The following CHST9 variants were observed in gnomAD, a reference collection of about 807,000 sequenced individuals.
CHST9 encodes the protein carbohydrate sulfotransferase 9.
In CHST9, 41 loss-of-function variants were observed where a neutral mutation model predicts 44.4. The observed-to-expected ratio is 0.92, with a 90% CI of 0.72 to 1.20. The LOEUF is 1.20. Ranked by LOEUF, CHST9 falls within the 50% of genes most tolerant of loss-of-function variation. CHST9 has a pLI of 0.00. For missense variants in CHST9, 504 were observed against 516.5 expected (o/e 0.98, Z 0.23); for synonymous variants, 171 against 178.4 (o/e 0.96, Z 0.33).
intron 1 of CHST9, among the ~76,000 whole-genome samples, chr18:27,172,395 G>C (rs544345135): frequency 6.6e-6 from 1 of 151,970 alleles, no homozygotes; most frequent in South Asian, 2.1e-4. Flanking sequence ...AGTGGTATGA[G>C]TGTCCTTTGT....
chr18:27,008,415 G>T (rs1405511171), intron 4 of CHST9, among the ~76,000 whole-genome samples: 1 of 152,182 alleles, frequency 6.6e-6, no homozygotes, highest in East Asian at 1.9e-4. Flanking sequence ...CAAGTAGTTA[G>T]AAATGATAGC....
chr18:27,139,965 C>T (rs2058551251), intron 2 of CHST9, among the ~76,000 whole-genome samples: 1 of 152,144 alleles, frequency 6.6e-6, no homozygotes, highest in Admixed American at 6.5e-5. Context: ...TATATGCCTA[C>T]ATAATCCAGT....
intron 3 of CHST9, among the ~76,000 whole-genome samples, chr18:27,044,693 T>A (rs966596747): frequency 1.3e-5 from 2 of 151,980 alleles, no homozygotes; most frequent in African/African-American, 4.8e-5. Flanking sequence ...TGATAGTGTA[T>A]AGGAACTATG....
chr18:26,971,904 AG>A (rs35603409), intron 4 of CHST9, among the ~76,000 whole-genome samples: 52,916 of 151,962 alleles, frequency 0.35, 9,790 homozygotes, highest in East Asian at 0.47. Flanking sequence ...CAGTCTCTGA[AG>A]GGGAACACAG....
At chr18:27,150,100 T>C (rs947050798) in intron 1 of CHST9, among the ~76,000 whole-genome samples, 2 of 150,260 alleles carry the variant, frequency 1.3e-5, no homozygotes, top group Non-Finnish European at 3.0e-5. Flanking sequence ...AAAGGCTTTT[T>C]GATTTTTTTT....
chr18:26,932,543 T>G (rs555586245), intron 5 of CHST9, among the ~76,000 whole-genome samples: 210 of 151,086 alleles, frequency 1.4e-3, no homozygotes, highest in African/African-American at 5.0e-3. Context: ...GTTAGCTGGA[T>G]CAGGGGTGAA....
At chr18:27,017,243 G>T (rs2057165787) in intron 4 of CHST9, among the ~76,000 whole-genome samples, 1 of 152,070 alleles carries the variant, frequency 6.6e-6, no homozygotes, top group Non-Finnish European at 1.5e-5. Flanking sequence ...ACTTATGATG[G>T]GCTTCTTGGG....
intron 1 of CHST9, among the ~76,000 whole-genome samples, chr18:27,168,613 T>C (rs920418279): frequency 4.6e-5 from 7 of 152,142 alleles, no homozygotes; most frequent in Non-Finnish European, 1.0e-4. Flanking sequence ...TTGATCTTGT[T>C]GAGTTTTAGA....
intron 3 of CHST9, among the ~76,000 whole-genome samples, chr18:27,046,344 A>T (rs533256982): frequency 6.6e-6 from 1 of 152,154 alleles, no homozygotes; most frequent in South Asian, 2.1e-4. Context: ...TTTAATAGGA[A>T]TATTCTGTCT....
intron 1 of CHST9, 103 bp downstream of exon 1, chr18:27,185,033 C>G (rs955969384): frequency 6.6e-6 from 1 of 152,574 alleles, no homozygotes; most frequent in Non-Finnish European, 1.5e-5. Context: ...GGCGCACGTC[C>G]CCGCCCACCA....
At chr18:26,921,074 G>A (rs935075076) in intron 5 of CHST9, among the ~76,000 whole-genome samples, 3 of 152,098 alleles carry the variant, frequency 2.0e-5, no homozygotes. Context: ...ATATAAGAAA[G>A]GAAAGTATAA....
intron 2 of CHST9, among the ~76,000 whole-genome samples, chr18:27,073,361 A>G (rs1045491104): frequency 7.6e-6 from 1 of 132,422 alleles, no homozygotes; most frequent in African/African-American, 2.9e-5. Flanking sequence ...CTGCTGGGAT[A>G]ACAAGTTAAG....
intron 2 of CHST9, among the ~76,000 whole-genome samples, chr18:27,136,775 G>A (rs2058516345): frequency 6.6e-6 from 1 of 152,212 alleles, no homozygotes; most frequent in South Asian, 2.1e-4. Flanking sequence ...ATGTAAAATT[G>A]TTATAAATAA....
At chr18:27,081,936 A>G (rs1363573032) in intron 2 of CHST9, among the ~76,000 whole-genome samples, 1 of 152,226 alleles carries the variant, frequency 6.6e-6, no homozygotes, top group Non-Finnish European at 1.5e-5. Flanking sequence ...AATTAAAAAT[A>G]TAAACCCAAG....
intron 1 of CHST9, among the ~76,000 whole-genome samples, chr18:27,154,903 T>G (rs2058686382): frequency 6.6e-6 from 1 of 151,744 alleles, no homozygotes; most frequent in South Asian, 2.1e-4. Context: ...GCCAACATGG[T>G]GAAACCCTGT....
rs2055465319 is a variant in CHST9, at chr18:26,913,183, A to C, written c.*3076T>G. 6.6e-6 allele frequency: 1 copy of C among 152,240 alleles called. No homozygotes were observed. The highest frequency in any genetic ancestry group is 6.5e-5 in the Admixed American group (1 of 15,284). The allele number at this position is 152,240 out of a possible 1,614,324, so 9.4% of individuals were successfully genotyped here. Reference sequence around the variant, plus strand: ...TACATTTTAGGAGATAAGAATAATAATACATCAATAAAATGTAAAAGTATT... The same window carrying C: ...TACATTTTAGGAGATAAGAATAATACTACATCAATAAAATGTAAAAGTATT... On this transcript the variant is annotated 3_prime_UTR_variant, in exon 6 of 6. Coordinates refer to ENST00000618847, the MANE Select transcript of CHST9 (RefSeq NM_031422.6).
chr18:27,152,770 A>C (rs1356952537), intron 1 of CHST9, among the ~76,000 whole-genome samples: 1 of 152,082 alleles, frequency 6.6e-6, no homozygotes, highest in Non-Finnish European at 1.5e-5. Context: ...CCTTTTAAAA[A>C]ATTTTTGGAG....
chr18:27,005,726 C>A (rs2057008655), intron 4 of CHST9, among the ~76,000 whole-genome samples: 1 of 152,142 alleles, frequency 6.6e-6, no homozygotes, highest in South Asian at 2.1e-4. Context: ...AGGGGCAAGT[C>A]TCCAGGGGAG....
chr18:26,939,322 T>C (rs190544527), intron 5 of CHST9, among the ~76,000 whole-genome samples: 95 of 152,274 alleles, frequency 6.2e-4, no homozygotes, highest in African/African-American at 2.1e-3. Flanking sequence ...GTTGATGAAA[T>C]AGTTTTATAA....
Sources: gnomAD v4.1 joint callset for allele counts (sites outside exome capture counted in the v4.1 genomes callset) on GRCh38, gnomAD v4.1.1 for gene constraint, MANE v1.5 for transcripts, NCBI Gene and HGNC (gene_info 2026-07-23, HGNC 2026-07-21) for gene names.